Variants in NEK4 observed in about 807,000 individuals in gnomAD.
The protein encoded by NEK4 is NIMA related kinase 4.
NEK4 carries 86 observed loss-of-function variants against 98.4 expected under a neutral mutation model. The ratio of observed to expected loss-of-function variants is 0.87; its 90% CI spans 0.73 to 1.05. The LOEUF is 1.05. Among genes scored for constraint, NEK4 ranks in the 50% least tolerant of loss-of-function variants. NEK4 has a pLI of 0.00. For synonymous variants in NEK4, 328 were observed against 342.2 expected (o/e 0.96, Z 0.46); for missense variants, 898 against 950.3 (o/e 0.94, Z 0.72).
chr3:52,708,757 A>C lies in NEK4; in HGVS notation c.*3020T>G, dbSNP rs2097347342. The C allele has an allele frequency of 2.0e-5, 3 of 152,176 alleles. 1 individual carries two copies. Among genetic ancestry groups the C allele is most frequent in the South Asian group, 4.1e-4 (2 of 4,832 alleles). The allele number at this position is 152,176 out of a possible 1,614,324, so 9.4% of individuals were successfully genotyped here. A position where few individuals can be genotyped will look rare whatever the true frequency, so the allele number is the denominator to read the frequency against. On this transcript the variant is annotated 3_prime_UTR_variant, in exon 16 of 16. Transcript: ENST00000233027. ...TGTACAAAGCAACAGGAAAAAAAAAACTGCAAGCAGTAAAGGTTGTGCAGG... is the reference window on the plus strand; with the variant it reads ...TGTACAAAGCAACAGGAAAAAAAAACCTGCAAGCAGTAAAGGTTGTGCAGG...
At chr3:52,741,388 G>C in intron 13 of NEK4, 23 bp downstream of exon 13, 1 of 1,360,210 alleles carries the variant, frequency 7.4e-7, no homozygotes, top group Non-Finnish European at 1.1e-6. Flanking sequence ...TTTATAAAGG[G>C]AGACAGAAAA....
chr3:52,744,450 C>T (rs2097392280), intron 10 of NEK4, 145 bp from the exon 11 acceptor site: 4 of 688,322 alleles, frequency 5.8e-6, no homozygotes, highest in Admixed American at 2.2e-5. Flanking sequence ...CTCTGGGAGG[C>T]TGGGGTGGGC....
intron 6 of NEK4, among the ~76,000 whole-genome samples, chr3:52,756,754 A>G (rs986557998): frequency 1.1e-4 from 17 of 152,222 alleles, no homozygotes; most frequent in African/African-American, 3.9e-4. Flanking sequence ...GACACACTGG[A>G]TTTCACAAAA....
chr3:52,757,350 G>C (rs1313623890), intron 6 of NEK4, among the ~76,000 whole-genome samples: 2 of 152,164 alleles, frequency 1.3e-5, no homozygotes, highest in Non-Finnish European at 2.9e-5. Context: ...CTGAGGTCAG[G>C]AGTTTGAGAC....
intron 11 of NEK4, 49 bp from the exon 12 acceptor site, chr3:52,743,510 T>C (rs763314691): frequency 7.7e-6 from 11 of 1,419,944 alleles, no homozygotes; most frequent in Non-Finnish European, 8.0e-6. Flanking sequence ...GCTGCCCCAG[T>C]TGAAAAGGGC....
chr3:52,767,681 G>A (rs1157838911), intron 2 of NEK4, among the ~76,000 whole-genome samples: 6 of 150,834 alleles, frequency 4.0e-5, no homozygotes, highest in African/African-American at 1.2e-4. Context: ...TCGTGCCATT[G>A]CACTCCAGCC....
intron 15 of NEK4, among the ~76,000 whole-genome samples, chr3:52,725,753 T>G (rs1471366660): frequency 6.6e-6 from 1 of 151,104 alleles, no homozygotes; most frequent in African/African-American, 2.4e-5. Context: ...GTTAAAATTT[T>G]TCACTACAAA....
intron 6 of NEK4, chr3:52,754,120 CCACTG>C (rs1455114455): frequency 3.8e-6 from 1 of 262,384 alleles, no homozygotes; most frequent in Non-Finnish European, 7.5e-6. Flanking sequence ...CAAGATCGCA[CCACTG>C]CACTCTAGCC....
intron 13 of NEK4, among the ~76,000 whole-genome samples, chr3:52,740,483 T>G (rs1382274934): frequency 6.6e-6 from 1 of 152,062 alleles, no homozygotes; most frequent in African/African-American, 2.4e-5. Flanking sequence ...CAATAGAATC[T>G]ATGAAATGTG....
chr3:52,762,174 T>C (rs1698382384), intron 5 of NEK4, among the ~76,000 whole-genome samples: 1 of 152,204 alleles, frequency 6.6e-6, no homozygotes, highest in Non-Finnish European at 1.5e-5. Context: ...GGAACACCTG[T>C]TTAGTAAAGG....
At chr3:52,712,930 A>C (rs1271616261) in intron 15 of NEK4, among the ~76,000 whole-genome samples, 2 of 151,970 alleles carry the variant, frequency 1.3e-5, no homozygotes, top group African/African-American at 4.8e-5. Context: ...AGGATGGGGG[A>C]GTGGCAGGCC....
In NEK4 at chr3:52,763,457, G is replaced by C; in HGVS notation, c.821+13C>G. The C allele has an allele frequency of 1.9e-6, 3 of 1,607,604 alleles. No homozygotes were observed. Among genetic ancestry groups the C allele is most frequent in the Non-Finnish European group, 2.5e-6 (3 of 1,176,494 alleles). ...TCTATTTAGCCCAGCTATTTGCAAG[G>C]GAAGTATCTTACATCTTTGTGGCCT... On this transcript the variant is annotated intron_variant, in intron 5 of 15. Transcript: ENST00000233027.
At chr3:52,759,678 CAAAAAGTCAAACCAAAAA>C (rs1698282999) in intron 6 of NEK4, among the ~76,000 whole-genome samples, 1 of 151,954 alleles carries the variant, frequency 6.6e-6, no homozygotes, top group Non-Finnish European at 1.5e-5. Flanking sequence ...AACAGTTCCT[CAAAAAGTCAAACCAAAAA>C]AAAAGTCAAA....
chr3:52,750,195 C>CA (rs975443602), intron 7 of NEK4, among the ~76,000 whole-genome samples: 2 of 152,158 alleles, frequency 1.3e-5, no homozygotes, highest in Non-Finnish European at 2.9e-5. Context: ...TCTTAGAAAA[C>CA]AAAAGTACCT....
chr3:52,727,799 G>A (rs961492058), intron 15 of NEK4, among the ~76,000 whole-genome samples: 2 of 152,168 alleles, frequency 1.3e-5, no homozygotes, highest in African/African-American at 2.4e-5. Flanking sequence ...ATCACCAATG[G>A]ATCAAAGAAG....
At chr3:52,758,081 A>T (rs1405647406) in intron 6 of NEK4, among the ~76,000 whole-genome samples, 1 of 145,608 alleles carries the variant, frequency 6.9e-6, no homozygotes, top group Non-Finnish European at 1.5e-5. Context: ...CAGGGGGCTG[A>T]GGCAGGGGAA....
At chr3:52,726,929 C>T (rs2097365148) in intron 15 of NEK4, among the ~76,000 whole-genome samples, 1 of 148,914 alleles carries the variant, frequency 6.7e-6, no homozygotes, top group Non-Finnish European at 1.5e-5. Flanking sequence ...AGGACTTGAA[C>T]AATGCAGTAA....
At chr3:52,736,262 G>C (rs1369977411) in intron 15 of NEK4, among the ~76,000 whole-genome samples, 2 of 151,978 alleles carry the variant, frequency 1.3e-5, no homozygotes, top group Admixed American at 1.3e-4. Flanking sequence ...AAAATCCATT[G>C]ATCTTTCAAG....
chr3:52,770,637 G>T lies in NEK4; in HGVS notation c.93+17C>A. 1.3e-6 allele frequency: 2 copies of T among 1,535,814 alleles called. No individual in the cohort carries two copies. The highest frequency in any genetic ancestry group is 1.8e-6 in the Non-Finnish European group (2 of 1,136,752). On this transcript the variant is annotated intron_variant, in intron 1 of 15. Transcript: ENST00000233027. ...TCTGCCCGCCCCCGCCCCTTGCCGG[G>T]CCCCACCCCTGCAGACCTGCTTGCC...
Sources: gnomAD v4.1 joint callset for allele counts (sites outside exome capture counted in the v4.1 genomes callset) on GRCh38, gnomAD v4.1.1 for gene constraint, MANE v1.5 for transcripts, NCBI Gene and HGNC (gene_info 2026-07-23, HGNC 2026-07-21) for gene names.